Variants in AP3M1 observed in about 807,000 individuals in gnomAD.
The protein encoded by AP3M1 is adaptor related protein complex 3 subunit mu 1.
Under a neutral mutation model 42.6 loss-of-function variants are expected in AP3M1, and 29 were observed. The observed-to-expected ratio is 0.68, with a 90% CI of 0.51 to 0.93. The LOEUF is 0.93. AP3M1 is among the 40% of genes least tolerant of loss of function. The pLI, the probability that AP3M1 is intolerant of heterozygous loss-of-function variation, is 0.00. For synonymous variants in AP3M1, 178 were observed against 175.3 expected, an observed-to-expected ratio of 1.02 and a Z score of -0.12; for missense variants, 416 against 510.2, an observed-to-expected ratio of 0.82 and a Z score of 1.78.
chr10:74,124,239 C>A, intron 8 of AP3M1, 141 bp downstream of exon 8: 7 of 1,024,088 alleles, frequency 6.8e-6, no homozygotes, highest in Non-Finnish European at 9.8e-6. Flanking sequence ...GCCTGTGAGA[C>A]TGCCCCACCA....
chr10:74,124,558 C>G (rs776544535), intron 7 of AP3M1, 34 bp from the exon 8 acceptor site: 17 of 1,543,450 alleles, frequency 1.1e-5, no homozygotes, highest in Non-Finnish European at 1.5e-5. Context: ...ACAAATAGAA[C>G]CATTTATTAA....
At position 74,121,455 on chromosome 10, in the gene AP3M1, C is replaced by T. The variant is rs918103133; in HGVS notation, c.*2355G>A. ...ATCCAGGATTAGCTGTAACTCTGTGCTTGAAAAATATTTTACTACTACTAA... is the reference window on the plus strand; with the variant it reads ...ATCCAGGATTAGCTGTAACTCTGTGTTTGAAAAATATTTTACTACTACTAA... On this transcript the variant is annotated 3_prime_UTR_variant, in exon 9 of 9. Transcript: ENST00000355264. 6.6e-6 allele frequency: 1 copy of T among 152,198 alleles called. No homozygotes were observed. The highest frequency in any genetic ancestry group is 1.5e-5 in the Non-Finnish European group (1 of 68,034). 9.4% of individuals were successfully genotyped at this position (152,198 alleles called of 1,614,324 possible).
intron 6 of AP3M1, among the ~76,000 whole-genome samples, chr10:74,128,712 T>C (rs959580035): frequency 7.2e-5 from 11 of 151,934 alleles, no homozygotes; most frequent in Admixed American, 5.9e-4. Flanking sequence ...AGGTTATGCA[T>C]GGTCCGTTTT....
intron 6 of AP3M1, among the ~76,000 whole-genome samples, chr10:74,127,727 G>A (rs972880534): frequency 6.6e-6 from 1 of 152,022 alleles, no homozygotes; most frequent in Non-Finnish European, 1.5e-5. Flanking sequence ...AATGGCCCTA[G>A]TTTAAAATGA....
In AP3M1 at chr10:74,126,294, C is replaced by G. The variant is rs760474868; in HGVS notation, c.865G>C (p.Gly289Arg). ...GGTCCAATTGTTATATCAAATCTGC[C>G]GCAAGAACTGTTCTCCTTAAAGCTG... is the stretch of plus-strand genomic sequence containing the variant. ...SISFKENSSCGRFDITIGPKQ... is the reference protein window; with the variant it reads ...SISFKENSSCRRFDITIGPKQ... The change falls in exon 7 of 9, where the codon GGC becomes CGC. Residue 289 changes from glycine (G) to arginine (R), a missense_variant. Transcript: ENST00000355264. 3.1e-6 allele frequency: 5 copies of G among 1,614,096 alleles called. No homozygotes were observed. Among genetic ancestry groups the G allele is most frequent in the Admixed American group, 1.7e-5 (1 of 60,006 alleles).
intron 4 of AP3M1, among the ~76,000 whole-genome samples, chr10:74,133,421 T>C (rs56174024): frequency 8.1e-5 from 12 of 148,264 alleles, no homozygotes; most frequent in African/African-American, 3.0e-4. Context: ...TTTAGCCAGG[T>C]GTGGTGGCTC....
intron 1 of AP3M1, among the ~76,000 whole-genome samples, chr10:74,140,031 G>T (rs927550453): frequency 2.0e-5 from 3 of 152,140 alleles, no homozygotes; most frequent in Non-Finnish European, 4.4e-5. Context: ...GGAACAACAG[G>T]GGCGAACGGG....
intron 1 of AP3M1, among the ~76,000 whole-genome samples, chr10:74,145,743 T>C (rs966612854): frequency 1.3e-5 from 2 of 152,252 alleles, no homozygotes; most frequent in African/African-American, 4.8e-5. Flanking sequence ...ACCAGAGCTT[T>C]GACTGCAGCT....
chr10:74,124,993 T>A (rs529298988), intron 7 of AP3M1, among the ~76,000 whole-genome samples: 34 of 152,286 alleles, frequency 2.2e-4, no homozygotes, highest in Non-Finnish European at 4.7e-4. Flanking sequence ...TTTTCTTTTT[T>A]TTTTGAGACA....
intron 1 of AP3M1, 139 bp downstream of exon 1, chr10:74,150,616 G>C (rs191413836): frequency 3.3e-5 from 5 of 153,194 alleles, no homozygotes; most frequent in African/African-American, 9.6e-5. Context: ...GCCGGGAGTG[G>C]GGGGGAAGCG....
intron 3 of AP3M1, among the ~76,000 whole-genome samples, chr10:74,136,388 T>C (rs1484631246): frequency 6.6e-6 from 1 of 151,964 alleles, no homozygotes; most frequent in Non-Finnish European, 1.5e-5. Context: ...TGTTAAATAA[T>C]GGTAATAATA....
At chr10:74,146,024 G>C (rs1312343701) in intron 1 of AP3M1, among the ~76,000 whole-genome samples, 1 of 152,114 alleles carries the variant, frequency 6.6e-6, no homozygotes, top group Admixed American at 6.6e-5. Context: ...GGGTATATAA[G>C]AACAAACAAA....
chr10:74,143,486 C>A (rs1215371578), intron 1 of AP3M1, among the ~76,000 whole-genome samples: 1 of 152,156 alleles, frequency 6.6e-6, no homozygotes, highest in African/African-American at 2.4e-5. Context: ...CTTCGCCTCC[C>A]AAAGTGAAGC....
intron 4 of AP3M1, 36 bp downstream of exon 4, chr10:74,133,991 G>C: frequency 6.2e-7 from 1 of 1,609,478 alleles, no homozygotes; most frequent in Non-Finnish European, 8.5e-7. Flanking sequence ...CAGATGAATT[G>C]TTTTTCCCCA....
chr10:74,129,811 C>G, intron 5 of AP3M1, 96 bp downstream of exon 5: 1 of 868,842 alleles, frequency 1.2e-6, no homozygotes, highest in Non-Finnish European at 1.9e-6. Flanking sequence ...CCTTTGCAAT[C>G]TAAGATGCAA....
Position 74,138,113 on chromosome 10 carries a change from A to T in AP3M1, c.267T>A (p.Thr89=). The change falls in exon 2 of 9, where the codon ACT becomes ACA. Residue 89 remains threonine (T), a synonymous_variant. Transcript: ENST00000355264. Reference sequence around the variant, plus strand: ...GGTATGATAGATAACCAACCTGAAAAGTGTCAGCAACTCGATGTAGGAACT... The same window carrying T: ...GGTATGATAGATAACCAACCTGAAATGTGTCAGCAACTCGATGTAGGAACT... ...VIEFLHRVAD[T]FQDYFGECSE... is the part of the protein sequence containing the mutation. 1.2e-6 allele frequency: 2 copies of T among 1,612,982 alleles called. No individual in the cohort carries two copies. The highest frequency in any genetic ancestry group is 1.7e-6 in the Non-Finnish European group (2 of 1,179,406).
intron 2 of AP3M1, among the ~76,000 whole-genome samples, chr10:74,137,739 A>C (rs77342809): frequency 0.018 from 2,713 of 152,360 alleles, 42 homozygotes; most frequent in Non-Finnish European, 0.026. Flanking sequence ...TGTAATATCT[A>C]ACACAGTGTA....
Position 74,141,826 on chromosome 10 carries a change from C to T in AP3M1, c.-3-3444G>A, listed in dbSNP as rs1289330491. 4.0e-5 allele frequency among the ~76,000 whole-genome samples: 6 copies of T among 151,120 alleles called. No homozygotes were observed. The East Asian group carries it at 9.7e-4, about 24-fold the overall frequency. ...CTCCCAAGTTCACGAGATTCTCCTG[C>T]CTCAGCCTCCCTAGTAGCTGGGATT... On this transcript the variant is annotated intron_variant, in intron 1 of 8. Transcript: ENST00000355264.
Position 74,123,785 on chromosome 10 carries a change from G to T in AP3M1, c.*25C>A. 1 of 1,569,658 alleles carries T rather than the reference G, an allele frequency of 6.4e-7. No homozygotes were observed. Among genetic ancestry groups the T allele is most frequent in the Non-Finnish European group, 8.8e-7 (1 of 1,139,706 alleles). ...CGTAATGACACTTGGAAAACAAACT[G>T]GTCCTGAGGAATTTTGGCCTCTTCT... On this transcript the variant is annotated 3_prime_UTR_variant, in exon 9 of 9. Coordinates refer to ENST00000355264, the MANE Select transcript of AP3M1 (RefSeq NM_012095.6).
Sources: gnomAD v4.1 joint callset for allele counts (sites outside exome capture counted in the v4.1 genomes callset) on GRCh38, gnomAD v4.1.1 for gene constraint, MANE v1.5 for transcripts, NCBI Gene and HGNC (gene_info 2026-07-23, HGNC 2026-07-21) for gene names.